The following GBE1 variants were observed in gnomAD, a reference collection of about 807,000 sequenced individuals.
The protein encoded by GBE1 is 1,4-alpha-glucan branching enzyme 1.
In GBE1, 70 loss-of-function variants were observed where a neutral mutation model predicts 88.8. The ratio of observed to expected loss-of-function variants is 0.79; its 90% confidence interval spans 0.65 to 0.96. The LOEUF is 0.96. Ranked by LOEUF, GBE1 falls within the 40% of genes least tolerant of loss-of-function variation. GBE1 has a pLI of 0.00. For missense variants in GBE1, 872 were observed against 871.0 expected (o/e 1.00, Z -0.01); for synonymous variants, 284 against 300.1 (o/e 0.95, Z 0.56).
Position 81,547,890 on chromosome 3 carries a change from C to T in GBE1, c.1619-10795G>A, listed in dbSNP as rs186363289. ...CATAAGCTTGCTGTTCAAAATGGCC[C>T]AGAAAACTGGTCGGTTACAAACTTC... On this transcript the variant is annotated intron_variant, in intron 12 of 15. Transcript: ENST00000429644. 1.5e-3 allele frequency among the ~76,000 whole-genome samples: 232 copies of T among 151,394 alleles called. 9 individuals carry two copies. The highest frequency in any genetic ancestry group is 2.6e-3 in the Non-Finnish European group (179 of 67,578).
At chr3:81,720,342 A>G (rs3772895) in intron 1 of GBE1, among the ~76,000 whole-genome samples, 56,313 of 147,048 alleles carry the variant, frequency 0.38, 11,011 homozygotes, top group East Asian at 0.5. Context: ...CTGTGTGTGT[A>G]TGTGTATGTG....
intron 12 of GBE1, among the ~76,000 whole-genome samples, chr3:81,546,251 AACTC>A (rs1452816478): frequency 6.6e-6 from 1 of 151,346 alleles, no homozygotes; most frequent in Non-Finnish European, 1.5e-5. Context: ...CACACACACT[AACTC>A]ACACACACTC....
rs71108330 is a variant in GBE1 at position 81,628,742 on chromosome 3, CATATATATATATATATATATAT to C, written c.992+14017_992+14038del. On this transcript the variant is annotated intron_variant, in intron 7 of 15. Transcript: ENST00000429644. ...AAATATAAAGGAGAAAGAACAATTGCATATATATATATATATATATATATATATATATATATATATAGCAACA... is the reference window on the plus strand; with the variant it reads ...AAATATAAAGGAGAAAGAACAATTGCATATATATATATATATATAGCAACA... 2.1e-4 allele frequency among the ~76,000 whole-genome samples: 14 copies of C among 65,418 alleles called. No homozygotes were observed. In the South Asian group the frequency reaches 2.9e-3, roughly 14 times the overall value. 42.9% of individuals were successfully genotyped at this position (65,418 alleles called of 152,430 possible).
Position 81,761,539 on chromosome 3 carries a change from C to G in GBE1, c.-22G>C. On this transcript the variant is annotated 5_prime_UTR_variant, in exon 1 of 16. Transcript: ENST00000429644. ...CCATATTCCGCCGCAGTCCAAGTAGCCGAGGCCCGAGAGGTCGAGTGGGGC... is the reference window on the plus strand; with the variant it reads ...CCATATTCCGCCGCAGTCCAAGTAGGCGAGGCCCGAGAGGTCGAGTGGGGC... 6.9e-7 allele frequency: 1 copy of G among 1,452,572 alleles called. No homozygotes were observed. The highest frequency in any genetic ancestry group is 9.0e-7 in the Non-Finnish European group (1 of 1,108,350). The allele number at this position is 1,452,572 out of a possible 1,614,324, so 90.0% of individuals were successfully genotyped here.
intron 2 of GBE1, among the ~76,000 whole-genome samples, chr3:81,679,955 T>C (rs1705313904): frequency 6.6e-6 from 1 of 152,198 alleles, no homozygotes; most frequent in African/African-American, 2.4e-5. Context: ...AGAGCTGATC[T>C]GGCTGAAATG....
At chr3:81,627,681 T>C (rs1324927578) in intron 7 of GBE1, among the ~76,000 whole-genome samples, 5 of 151,582 alleles carry the variant, frequency 3.3e-5, no homozygotes, top group African/African-American at 1.2e-4. Context: ...ACCATGGCAG[T>C]TATAAGAAAC....
chr3:81,498,236 A>C (rs1702542786), intron 15 of GBE1, among the ~76,000 whole-genome samples: 3 of 152,160 alleles, frequency 2.0e-5, no homozygotes, highest in African/African-American at 7.2e-5. Context: ...CATCACTCTG[A>C]GAAGTGGGAA....
intron 3 of GBE1, among the ~76,000 whole-genome samples, chr3:81,669,873 A>G (rs901813592): frequency 6.6e-6 from 1 of 152,170 alleles, no homozygotes; most frequent in South Asian, 2.1e-4. Flanking sequence ...TTTTACATAC[A>G]CTTATAATTT....
intron 7 of GBE1, chr3:81,612,882 C>A: frequency 2.5e-6 from 1 of 401,660 alleles, no homozygotes; most frequent in Non-Finnish European, 4.8e-6. Flanking sequence ...TTGGCCAAAA[C>A]CATTACAGTA....
intron 12 of GBE1, among the ~76,000 whole-genome samples, chr3:81,543,138 A>T (rs1000003269): frequency 6.6e-6 from 1 of 152,108 alleles, no homozygotes; most frequent in African/African-American, 2.4e-5. Flanking sequence ...ACTTTAATTT[A>T]AAAAATTCAA....
At chr3:81,667,770 C>T (rs1249842973) in intron 3 of GBE1, among the ~76,000 whole-genome samples, 1 of 152,148 alleles carries the variant, frequency 6.6e-6, no homozygotes, top group Non-Finnish European at 1.5e-5. Flanking sequence ...ATATGTTGAA[C>T]CAGCCTTGCA....
chr3:81,645,295 T>C (rs116448841), intron 6 of GBE1, among the ~76,000 whole-genome samples: 2,299 of 152,080 alleles, frequency 0.015, 65 homozygotes, highest in African/African-American at 0.052. Context: ...GCAAAGGAAA[T>C]TAATAATAAG....
intron 1 of GBE1, among the ~76,000 whole-genome samples, chr3:81,723,162 C>T (rs1706059447): frequency 6.6e-6 from 1 of 151,570 alleles, no homozygotes; most frequent in Non-Finnish European, 1.5e-5. Context: ...TATAACATAT[C>T]TAAAGCTTTC....
chr3:81,642,546 T>C, intron 7 of GBE1: 1 of 366,698 alleles, frequency 2.7e-6, no homozygotes, highest in Non-Finnish European at 4.9e-6. Flanking sequence ...TAAATGATTA[T>C]ATAACCAATA....
At chr3:81,761,140 GGGAT>G (rs1363779483) in intron 1 of GBE1, among the ~76,000 whole-genome samples, 7 of 152,228 alleles carry the variant, frequency 4.6e-5, no homozygotes, top group Non-Finnish European at 1.5e-5. Context: ...GAGGGGAAAG[GGGAT>G]GAGGAAAGAA....
chr3:81,535,154 T>C (rs769806963), intron 14 of GBE1, 41 bp downstream of exon 14: 12 of 1,535,600 alleles, frequency 7.8e-6, no homozygotes, highest in Admixed American at 2.1e-5. Context: ...AATAAAGAAG[T>C]GAATGTGGAC....
chr3:81,593,214 A>C (rs1290019331), intron 8 of GBE1, among the ~76,000 whole-genome samples: 1 of 151,576 alleles, frequency 6.6e-6, no homozygotes, highest in Admixed American at 6.6e-5. Context: ...AAAATACAAA[A>C]ATTAGCCAGG....
chr3:81,545,937 T>C (rs1703200292), intron 12 of GBE1, among the ~76,000 whole-genome samples: 2 of 152,150 alleles, frequency 1.3e-5, no homozygotes, highest in African/African-American at 4.8e-5. Flanking sequence ...ATGGTATTGC[T>C]GTGCTTGTGT....
intron 10 of GBE1, among the ~76,000 whole-genome samples, chr3:81,581,923 T>C (rs1401469312): frequency 1.3e-5 from 2 of 152,068 alleles, no homozygotes; most frequent in Non-Finnish European, 2.9e-5. Flanking sequence ...CTCCCTTAAG[T>C]AGATACTTGC....
Sources: gnomAD v4.1 joint callset for allele counts (sites outside exome capture counted in the v4.1 genomes callset) on GRCh38, gnomAD v4.1.1 for gene constraint, MANE v1.5 for transcripts, NCBI Gene and HGNC (gene_info 2026-07-23, HGNC 2026-07-21) for gene names.